MYOM2: variants seen among roughly 807,000 people sequenced by gnomAD.
MYOM2 encodes myomesin-2.
Under a neutral mutation model 187.6 loss-of-function variants are expected in MYOM2, and 254 were observed. The observed-to-expected ratio is 1.35, with a 90% CI of 1.22 to 1.50. The LOEUF (loss-of-function observed/expected upper bound fraction) is 1.50. Among genes scored for constraint, MYOM2 ranks in the 40% most tolerant of loss-of-function variants. The pLI, the probability that MYOM2 is intolerant of heterozygous loss-of-function variation, is 0.00. For synonymous variants in MYOM2, 981 were observed against 753.8 expected, an observed-to-expected ratio of 1.30 and a Z score of -4.94; for missense variants, 2,796 against 1,924.0, an observed-to-expected ratio of 1.45 and a Z score of -8.48.
In MYOM2 at chr8:2,072,449, A is replaced by G. The variant is rs142467640; in HGVS notation, c.898A>G (p.Thr300Ala). ...AGGCGAGACGGTCACTCTCAAGTGC[A>G]CCATGCTGGTGACGCCGGACCTGAA... ...REGETVTLKCTMLVTPDLKRV... is the reference protein window; with the variant it reads ...REGETVTLKCAMLVTPDLKRV... The change falls in exon 9 of 37, where the codon ACC (threonine) becomes GCC (alanine). Residue 300 changes from threonine to alanine, a missense_variant. By Grantham distance (58) the Thr-to-Ala change is moderately conservative (BLOSUM62 0). Coordinates refer to ENST00000262113, the MANE Select transcript of MYOM2 (RefSeq NM_003970.4). 9 of 1,613,978 alleles carry G rather than the reference A, an allele frequency of 5.6e-6. No homozygotes were observed. The highest frequency in any genetic ancestry group is 7.6e-6 in the Non-Finnish European group (9 of 1,180,030).
intron 32 of MYOM2, among the ~76,000 whole-genome samples, chr8:2,131,466 C>T (rs935154934): frequency 2.0e-5 from 3 of 151,884 alleles, no homozygotes; most frequent in East Asian, 1.9e-4. Flanking sequence ...GCAGGCAGAT[C>T]GGGGCACAGC....
intron 1 of MYOM2, among the ~76,000 whole-genome samples, chr8:2,045,536 C>G (rs890854381): frequency 6.6e-6 from 1 of 152,170 alleles, no homozygotes. Context: ...CGAAAGCCTC[C>G]CCCGAGGAGA....
At chr8:2,067,122 G>A (rs117633376) in intron 6 of MYOM2, among the ~76,000 whole-genome samples, 183 of 152,208 alleles carry the variant, frequency 1.2e-3, no homozygotes, top group Non-Finnish European at 2.1e-3. Context: ...CACAGTTCTC[G>A]GACACGTTCT....
At chr8:2,078,088 T>C (rs1379966867) in intron 11 of MYOM2, among the ~76,000 whole-genome samples, 1 of 152,206 alleles carries the variant, frequency 6.6e-6, no homozygotes, top group Non-Finnish European at 1.5e-5. Flanking sequence ...CATGTGAAGG[T>C]TTTTTTCTTA....
chr8:2,060,233 A>C (rs946032352), intron 6 of MYOM2, among the ~76,000 whole-genome samples: 4 of 152,040 alleles, frequency 2.6e-5, no homozygotes, highest in Admixed American at 1.3e-4. Context: ...CTGTTTTTGA[A>C]CTTAAGGAGC....
At position 2,108,837 on chromosome 8, in the gene MYOM2, A is replaced by C. The variant is rs1796977131; in HGVS notation, c.3043+7A>C. The C allele has an allele frequency of 6.2e-7, 1 of 1,613,776 alleles. No homozygotes were observed. Among genetic ancestry groups the C allele is most frequent in the Non-Finnish European group, 8.5e-7 (1 of 1,179,928 alleles). On this transcript the variant is annotated splice_region_variant and intron_variant, in intron 24 of 36. Transcript: ENST00000262113. ...AATGAAATAAAGAACCCCAGTAAGT[A>C]AGCCTCCAGCCCTTCCCCTCTGCTT...
chr8:2,094,076 G>A lies in MYOM2; in HGVS notation c.2110G>A (p.Val704Met). 2 of 1,614,184 alleles carry A rather than the reference G, an allele frequency of 1.2e-6. No individual in the cohort carries two copies. ...TTCCCAGGAATCAGACGTCATAAAA[G>A]TGCAGGCCGCACTCAGTAAGTCACT... The part of the protein sequence containing the change: ...ENSQESDVIK[V>M]QAALTVPSHP... The change falls in exon 17 of 37, where the codon GTG (valine) becomes ATG (methionine). Residue 704 changes from valine to methionine, a missense_variant. Transcript: ENST00000262113.
At chr8:2,110,035 T>C (rs1389440645) in intron 25 of MYOM2, among the ~76,000 whole-genome samples, 3 of 152,192 alleles carry the variant, frequency 2.0e-5, no homozygotes, top group Non-Finnish European at 4.4e-5. Context: ...TCAAGAGTGA[T>C]GTTCTGGCCA....
At chr8:2,106,692 AG>A in intron 23 of MYOM2, 95 bp downstream of exon 23, 1 of 955,664 alleles carries the variant, frequency 1.0e-6, no homozygotes, top group South Asian at 1.7e-5. Context: ...CTTAGAAAAA[AG>A]ACGTATGTTT....
In MYOM2 at chr8:2,050,271, C is replaced by G. The variant is rs187451141; in HGVS notation, c.-12-484C>G. Among the ~76,000 whole-genome samples the G allele has an allele frequency of 1.7e-4, 26 of 152,334 alleles. No homozygotes were observed. In the East Asian group the frequency reaches 4.4e-3, roughly 26 times the overall value. On this transcript the variant is annotated intron_variant, in intron 1 of 36. Transcript: ENST00000262113. ...GTCCCACCTGTCCACCGAGCCTCCTCTCAAATGTCACCTGCCTCGTGGGCC... is the reference window on the plus strand; with the variant it reads ...GTCCCACCTGTCCACCGAGCCTCCTGTCAAATGTCACCTGCCTCGTGGGCC...
At position 2,129,213 on chromosome 8, in the gene MYOM2, A is replaced by G. The variant is rs766747743; in HGVS notation, c.3781A>G (p.Lys1261Glu). 1.9e-6 allele frequency: 3 copies of G among 1,610,304 alleles called. No individual in the cohort carries two copies. The highest frequency in any genetic ancestry group is 2.2e-5 in the East Asian group (1 of 44,782). ...CFMKYFTDEM[K>E]VNWCHKDAKI... Reference sequence around the variant, plus strand: ...CATGAAGTATTTTACAGACGAAATGAAAGTGAACTGGTGTCACAAGTAAGT... The same window carrying G: ...CATGAAGTATTTTACAGACGAAATGGAAGTGAACTGGTGTCACAAGTAAGT... Residue 1261 changes from lysine to glutamate, a missense_variant, in exon 32 of 37, where the codon AAA becomes GAA. Physicochemically the swap from Lys to Glu is moderately conservative, Grantham distance 56. Transcript: ENST00000262113.
At position 2,100,127 on chromosome 8, in the gene MYOM2, T is replaced by TC. The variant is rs1585905595; in HGVS notation, c.2441-748dup. On this transcript the variant is annotated intron_variant, in intron 19 of 36. Transcript: ENST00000262113. Reference sequence around the variant, plus strand: ...TTCCTTCTTTCTTTCCTTCCTTCCTTCTTTCCTTCCTTCCTTCCTTCCTTC... The same window carrying TC: ...TTCCTTCTTTCTTTCCTTCCTTCCTTCCTTTCCTTCCTTCCTTCCTTCCTTC... Among the ~76,000 whole-genome samples, 423 of 69,262 alleles carry TC rather than the reference T, an allele frequency of 6.1e-3. 15 individuals are homozygous for TC. The highest frequency in any genetic ancestry group is 0.02 in the African/African-American group (400 of 19,692). 45.4% of individuals were successfully genotyped at this position (69,262 alleles called of 152,430 possible).
intron 6 of MYOM2, among the ~76,000 whole-genome samples, chr8:2,067,324 T>C (rs528634723): frequency 1.3e-5 from 2 of 152,274 alleles, no homozygotes; most frequent in South Asian, 2.1e-4. Flanking sequence ...GTGGGGACTT[T>C]TTGTGTTGTT....
rs757950319 is a variant in MYOM2, at chr8:2,123,158, G to T, written c.3454-94G>T. 13 of 672,132 alleles carry T rather than the reference G, an allele frequency of 1.9e-5. No individual in the cohort carries two copies. In the Middle Eastern group the frequency reaches 1.6e-3, roughly 84 times the overall value. The allele number at this position is 672,132 out of a possible 1,614,324, so 41.6% of individuals were successfully genotyped here. On this transcript the variant is annotated intron_variant, in intron 28 of 36. Transcript: ENST00000262113. ...TATAGTAAAAACTAAGGTTTTTTGAGGGGGGGGCTCTGTGATTTAAGATTC... is the reference window on the plus strand; with the variant it reads ...TATAGTAAAAACTAAGGTTTTTTGATGGGGGGGCTCTGTGATTTAAGATTC...
chr8:2,100,969 CTGGA>C lies in MYOM2; in HGVS notation c.2536_2539del (p.Gly846IlefsTer26). ...GTGTACTCCGGCAGCAGCCCTGTTT[CTGGA>C]TATTTCGTGGACTTCAGGGAGGAGG... On this transcript the variant is annotated frameshift_variant, in exon 20 of 37. Coordinates refer to ENST00000262113, the MANE Select transcript of MYOM2 (RefSeq NM_003970.4). LOFTEE classifies it high-confidence loss of function. The C allele has an allele frequency of 6.2e-7, 1 of 1,614,188 alleles. No homozygotes were observed. Among genetic ancestry groups the C allele is most frequent in the Non-Finnish European group, 8.5e-7 (1 of 1,180,032 alleles).
At chr8:2,131,845 G>A (rs1047120712) in intron 32 of MYOM2, among the ~76,000 whole-genome samples, 9 of 152,020 alleles carry the variant, frequency 5.9e-5, no homozygotes, top group East Asian at 2.0e-4. Flanking sequence ...GGGTTTCACC[G>A]TGTTAGCCAG....
rs1796575320 is a variant in MYOM2 at position 2,098,606 on chromosome 8, G to C, written c.2314-251G>C. On this transcript the variant is annotated intron_variant, in intron 18 of 36. Transcript: ENST00000262113. ...TCACCTGTCCCCTACCCCCGCAGGA[G>C]TGGGATTGAGTGAAGGACTCAATCA... Among the ~76,000 whole-genome samples the C allele has an allele frequency of 2.0e-5, 3 of 152,210 alleles. No individual in the cohort carries two copies. The South Asian group carries it at 6.2e-4, about 32-fold the overall frequency.
At chr8:2,078,370 C>G (rs1180704007) in intron 11 of MYOM2, among the ~76,000 whole-genome samples, 3 of 152,088 alleles carry the variant, frequency 2.0e-5, no homozygotes, top group Non-Finnish European at 4.4e-5. Flanking sequence ...TTAGGGGTGC[C>G]GTGACTATGT....
In MYOM2 at chr8:2,086,240, T is replaced by C. The variant is rs1377632373; in HGVS notation, c.1644+850T>C. Among the ~76,000 whole-genome samples, 81 of 41,742 alleles carry C rather than the reference T, an allele frequency of 1.9e-3. 18 individuals are homozygous for C. Among genetic ancestry groups the C allele is most frequent in the East Asian group, 0.017 (11 of 648 alleles). 27.4% of individuals were successfully genotyped at this position (41,742 alleles called of 152,430 possible). On this transcript the variant is annotated intron_variant, in intron 14 of 36. Transcript: ENST00000262113. ...TGATCTCTTTGTGGCCCCCCACTGT[T>C]GTGATCTTTGCGTGGCCCCACTGTC...
Sources: gnomAD v4.1 joint callset for allele counts (sites outside exome capture counted in the v4.1 genomes callset) on GRCh38, gnomAD v4.1.1 for gene constraint, MANE v1.5 for transcripts, NCBI Gene and HGNC (gene_info 2026-07-23, HGNC 2026-07-21) for gene names.